The following ADGRL2 variants were observed in gnomAD, a reference collection of about 807,000 sequenced individuals.
ADGRL2 encodes the protein adhesion G protein-coupled receptor L2, also known as calcium-independent alpha-latrotoxin receptor 2.
A neutral mutation model predicts 157.4 loss-of-function variants in ADGRL2; 44 were observed. The observed-to-expected ratio is 0.28, with a 90% CI of 0.22 to 0.36. The LOEUF is 0.36. Ranked by LOEUF, ADGRL2 falls within the 10% of genes least tolerant of loss-of-function variation. The probability of loss-of-function intolerance (pLI) is 1.00; values close to 1 mark genes in which losing one functional copy is unlikely to be tolerated. For synonymous variants in ADGRL2, 585 were observed against 624.7 expected, an observed-to-expected ratio of 0.94 and a Z score of 0.95; for missense variants, 1,510 against 1,768.9, an observed-to-expected ratio of 0.85 and a Z score of 2.63.
Position 81,343,087 on chromosome 1 carries a change from C to CTTTTTTTTTTTTTTTTTTTTTTTTTTTT in ADGRL2, c.-302+36582_-302+36583insTTTTTTTTTTTTTTTTTTTTTTTTTTTT, listed in dbSNP as rs764039251. On this transcript the variant is annotated intron_variant, in intron 1 of 24. Coordinates refer to the ADGRL2 transcript ENST00000370721. ...TTTTTCTTTTCTTTTTTTCTTTTTT[C>CTTTTTTTTTTTTTTTTTTTTTTTTTTTT]TTTTCTTTTTTTTTTTTTTGAGACA... Among the ~76,000 whole-genome samples, 18 of 127,482 alleles carry CTTTTTTTTTTTTTTTTTTTTTTTTTTTT rather than the reference C, an allele frequency of 1.4e-4. 1 individual carries two copies. Among genetic ancestry groups the CTTTTTTTTTTTTTTTTTTTTTTTTTTTT allele is most frequent in the Non-Finnish European group, 1.8e-4 (11 of 60,082 alleles). The allele number at this position is 127,482 out of a possible 152,430, so 83.6% of individuals were successfully genotyped here.
intron 2 of ADGRL2, among the ~76,000 whole-genome samples, chr1:81,573,688 G>A (rs1206655614): frequency 6.6e-6 from 1 of 152,098 alleles, no homozygotes; most frequent in Non-Finnish European, 1.5e-5. Context: ...CGTACAAAGT[G>A]GTTTTGAAAG....
intron 1 of ADGRL2, among the ~76,000 whole-genome samples, chr1:81,819,119 G>C (rs112052900): frequency 6.6e-6 from 1 of 152,120 alleles, no homozygotes; most frequent in Admixed American, 6.5e-5. Flanking sequence ...ATTCAAGGTG[G>C]TGTATCCAAT....
At chr1:81,986,680 AG>A (rs1361406009) in intron 21 of ADGRL2, among the ~76,000 whole-genome samples, 2 of 152,118 alleles carry the variant, frequency 1.3e-5, no homozygotes, top group East Asian at 3.9e-4. Context: ...TGGGGGATTT[AG>A]AAAGCACCTG....
At chr1:81,428,545 C>T (rs997644748) in intron 1 of ADGRL2, among the ~76,000 whole-genome samples, 1 of 152,008 alleles carries the variant, frequency 6.6e-6, no homozygotes, top group Non-Finnish European at 1.5e-5. Context: ...AAACAAGGGT[C>T]AGATGGTTGA....
At chr1:81,395,099 C>T (rs1221223331) in intron 1 of ADGRL2, among the ~76,000 whole-genome samples, 6 of 152,032 alleles carry the variant, frequency 3.9e-5, no homozygotes, top group East Asian at 1.9e-4. Flanking sequence ...TTTGTAGCGA[C>T]GGGTATTCAC....
At chr1:81,497,046 A>G (rs1460794889) in intron 2 of ADGRL2, among the ~76,000 whole-genome samples, 1 of 152,166 alleles carries the variant, frequency 6.6e-6, no homozygotes, top group Middle Eastern at 3.2e-3. Flanking sequence ...GAACACAACT[A>G]CATAATTTCT....
At chr1:81,747,143 A>ACATATACG (rs2085310822) in intron 1 of ADGRL2, among the ~76,000 whole-genome samples, 1 of 139,648 alleles carries the variant, frequency 7.2e-6, no homozygotes. Context: ...ATATGTATAC[A>ACATATACG]TATATACGTA....
At chr1:81,894,921 G>A (rs186487198) in intron 2 of ADGRL2, among the ~76,000 whole-genome samples, 38 of 152,192 alleles carry the variant, frequency 2.5e-4, no homozygotes, top group Non-Finnish European at 2.9e-4. Context: ...TGGGTAAAAG[G>A]TTACATGGCT....
intron 1 of ADGRL2, among the ~76,000 whole-genome samples, chr1:81,430,430 T>A (rs1238368285): frequency 1.3e-5 from 2 of 152,182 alleles, no homozygotes; most frequent in Non-Finnish European, 2.9e-5. Context: ...CCCCAGGGGA[T>A]CTGTTTCCAG....
At chr1:81,934,766 A>G (rs2095285013) in intron 3 of ADGRL2, among the ~76,000 whole-genome samples, 1 of 152,022 alleles carries the variant, frequency 6.6e-6, no homozygotes, top group Admixed American at 6.6e-5. Flanking sequence ...TTGAGTAGTT[A>G]TAAAATGTAT....
chr1:81,715,276 G>T (rs2084073802), intron 1 of ADGRL2, among the ~76,000 whole-genome samples: 1 of 151,010 alleles, frequency 6.6e-6, no homozygotes, highest in South Asian at 2.1e-4. Flanking sequence ...TTCACAAACA[G>T]ATGGGTTTTT....
chr1:81,392,381 G>A (rs1054886324), intron 1 of ADGRL2, among the ~76,000 whole-genome samples: 23 of 152,112 alleles, frequency 1.5e-4, no homozygotes, highest in African/African-American at 2.9e-4. Context: ...TAACTTTGCC[G>A]CCTTAGGGTC....
intron 1 of ADGRL2, among the ~76,000 whole-genome samples, chr1:81,370,552 T>C (rs1298628022): frequency 6.6e-6 from 1 of 152,152 alleles, no homozygotes; most frequent in Non-Finnish European, 1.5e-5. Flanking sequence ...AACATACTTT[T>C]ATAGTTAAAT....
chr1:81,721,360 C>G (rs549557085), intron 1 of ADGRL2, among the ~76,000 whole-genome samples: 1 of 152,192 alleles, frequency 6.6e-6, no homozygotes, highest in South Asian at 2.1e-4. Context: ...CATTCACTTT[C>G]AATTATGTAT....
rs535060747 is a variant in ADGRL2 at position 81,636,231 on chromosome 1, T to A, written c.-143+55251T>A. Among the ~76,000 whole-genome samples the A allele has an allele frequency of 2.6e-5, 4 of 152,300 alleles. No individual in the cohort carries two copies. In the South Asian group the frequency reaches 8.3e-4, roughly 32 times the overall value. ...AAATATAACATATCTTCTAGAAACA[T>A]AAATTTGATCAGAAACAAAGTGTAT... On this transcript the variant is annotated intron_variant, in intron 3 of 24. Transcript: ENST00000370721.
At chr1:81,580,110 T>G (rs1040345360) in intron 2 of ADGRL2, among the ~76,000 whole-genome samples, 1 of 152,150 alleles carries the variant, frequency 6.6e-6, no homozygotes. Context: ...GGTTGAAAAC[T>G]GAATAAAAGC....
intron 2 of ADGRL2, among the ~76,000 whole-genome samples, chr1:81,565,757 T>C (rs756816423): frequency 5.3e-5 from 8 of 152,214 alleles, no homozygotes; most frequent in Non-Finnish European, 1.2e-4. Context: ...CATTAGCCTT[T>C]CTTCTTTAGT....
At chr1:81,803,061 T>A (rs978841370) in intron 1 of ADGRL2, among the ~76,000 whole-genome samples, 2 of 152,046 alleles carry the variant, frequency 1.3e-5, no homozygotes, top group Non-Finnish European at 2.9e-5. Flanking sequence ...GCGTTGGGCC[T>A]GCGGGAGAAG....
intron 1 of ADGRL2, among the ~76,000 whole-genome samples, chr1:81,836,549 G>T (rs1465988624): frequency 2.6e-5 from 4 of 152,032 alleles, no homozygotes. Flanking sequence ...TGGAGAACTG[G>T]ATCCATAGGG....
Sources: gnomAD v4.1 joint callset for allele counts (sites outside exome capture counted in the v4.1 genomes callset) on GRCh38, gnomAD v4.1.1 for gene constraint, MANE v1.5 for transcripts, NCBI Gene and HGNC (gene_info 2026-07-23, HGNC 2026-07-21) for gene names.